Variants in FAM53B observed in about 807,000 individuals in gnomAD.
FAM53B encodes the protein protein FAM53B.
FAM53B carries 12 observed loss-of-function variants against 32.7 expected under a neutral mutation model. That is an observed-to-expected ratio of 0.37 (90% CI 0.24 to 0.59). FAM53B has a LOEUF of 0.59. Among genes scored for constraint, FAM53B ranks in the 20% least tolerant of loss-of-function variants. The probability of loss-of-function intolerance (pLI) is 0.72; values close to 1 mark genes in which losing one functional copy is unlikely to be tolerated. For synonymous variants in FAM53B, 234 were observed against 228.7 expected (o/e 1.02, Z -0.21); for missense variants, 477 against 577.7 (o/e 0.83, Z 1.79).
chr10:124,702,290 CTGT>C (rs1378829698), intron 2 of FAM53B, among the ~76,000 whole-genome samples: 13 of 152,182 alleles, frequency 8.5e-5, no homozygotes, highest in Admixed American at 6.5e-4. Flanking sequence ...TCCATCGTTC[CTGT>C]TGTTATCTTG....
At chr10:124,664,065 G>A (rs1263031164) in intron 4 of FAM53B, among the ~76,000 whole-genome samples, 1 of 152,130 alleles carries the variant, frequency 6.6e-6, no homozygotes, top group African/African-American at 2.4e-5. Flanking sequence ...TGGGTACCAG[G>A]TTCACACAGC....
chr10:124,717,785 T>C (rs1415878735), intron 1 of FAM53B, among the ~76,000 whole-genome samples: 1 of 152,236 alleles, frequency 6.6e-6, no homozygotes, highest in Non-Finnish European at 1.5e-5. Flanking sequence ...GAGGAGTTTC[T>C]TGGAGAGCCA....
At chr10:124,629,743 A>G (rs1949378870) in intron 4 of FAM53B, among the ~76,000 whole-genome samples, 1 of 152,260 alleles carries the variant, frequency 6.6e-6, no homozygotes, top group Non-Finnish European at 1.5e-5. Context: ...ACGGCAAGGC[A>G]TGTGGTTTCC....
chr10:124,634,806 G>C (rs1949417061), intron 4 of FAM53B, among the ~76,000 whole-genome samples: 1 of 152,208 alleles, frequency 6.6e-6, no homozygotes, highest in Admixed American at 6.5e-5. Context: ...CTGCTAAGGG[G>C]TATGGACTTT....
Position 124,620,188 on chromosome 10 carries a change from C to T in FAM53B, c.*3054G>A, listed in dbSNP as rs1388959013. The T allele has an allele frequency of 6.6e-6, 1 of 152,662 alleles. No homozygotes were observed. The highest frequency in any genetic ancestry group is 1.5e-5 in the Non-Finnish European group (1 of 68,052). 9.5% of individuals were successfully genotyped at this position (152,662 alleles called of 1,614,324 possible). On this transcript the variant is annotated 3_prime_UTR_variant, in exon 5 of 5. Coordinates refer to ENST00000337318, the MANE Select transcript of FAM53B (RefSeq NM_014661.4). ...TGGTCAGAACAAGCTCCCCACGGGC[C>T]CAGGTGCACGTCTGCCCGTGCAAAT...
chr10:124,625,580 C>G (rs1949342171), intron 4 of FAM53B, among the ~76,000 whole-genome samples: 1 of 152,202 alleles, frequency 6.6e-6, no homozygotes, highest in African/African-American at 2.4e-5. Context: ...CAACCAGGAT[C>G]CTCGCCTGCC....
intron 3 of FAM53B, 23 bp downstream of exon 3, chr10:124,696,135 C>CCAA (rs1564880399): frequency 2.5e-6 from 4 of 1,607,936 alleles, no homozygotes; most frequent in Non-Finnish European, 2.6e-6. Flanking sequence ...AGGACAGCTT[C>CCAA]CAGGATGGCC....
At chr10:124,707,421 C>A (rs1342266534) in intron 1 of FAM53B, among the ~76,000 whole-genome samples, 2 of 152,166 alleles carry the variant, frequency 1.3e-5, no homozygotes, top group African/African-American at 2.4e-5. Flanking sequence ...GCTAATGGAA[C>A]AATCAGTAGG....
Position 124,696,267 on chromosome 10 carries a change from A to T in FAM53B, c.79-55T>A, listed in dbSNP as rs137857157. 81 of 1,376,572 alleles carry T rather than the reference A, an allele frequency of 5.9e-5. No homozygotes were observed. The African/African-American group carries it at 9.5e-4, about 16-fold the overall frequency. The allele number at this position is 1,376,572 out of a possible 1,614,324, so 85.3% of individuals were successfully genotyped here. ...TTCAAATCATAGGAAGCATGTTTGC[A>T]CTGACTCTACTGATCCCTTCTAAAG... On this transcript the variant is annotated intron_variant, in intron 2 of 4. Coordinates refer to ENST00000337318, the MANE Select transcript of FAM53B (RefSeq NM_014661.4).
Position 124,733,881 on chromosome 10 carries a change from C to A in FAM53B, c.-175+10132G>T, listed in dbSNP as rs1220307426. On this transcript the variant is annotated intron_variant, in intron 1 of 4. Coordinates refer to ENST00000337318, the MANE Select transcript of FAM53B (RefSeq NM_014661.4). This position sits in a 1 kb window ranked among gnomAD's most constrained non-coding sequence, Gnocchi z 4.3. Reference sequence around the variant, plus strand: ...TGACCTAGATCAGCTCCGCTCCCCTCTGAAATCTACACTCGTCTCACTCAG... The same window carrying A: ...TGACCTAGATCAGCTCCGCTCCCCTATGAAATCTACACTCGTCTCACTCAG... Among the ~76,000 whole-genome samples, 1 of 152,330 alleles carries A rather than the reference C, an allele frequency of 6.6e-6. No homozygotes were observed. The highest frequency in any genetic ancestry group is 1.9e-4 in the East Asian group (1 of 5,180).
At chr10:124,686,862 G>A (rs1047888920) in intron 3 of FAM53B, among the ~76,000 whole-genome samples, 7 of 152,242 alleles carry the variant, frequency 4.6e-5, no homozygotes, top group African/African-American at 1.7e-4. Flanking sequence ...GTCCAACCAG[G>A]ACTGTGCCCT....
At chr10:124,707,001 A>G (rs1288805884) in intron 1 of FAM53B, 114 bp from the exon 2 acceptor site, 2 of 955,880 alleles carry the variant, frequency 2.1e-6, no homozygotes, top group East Asian at 7.2e-5. Context: ...CCTCTCTGCT[A>G]AAGGAGATGC....
At chr10:124,737,385 G>A (rs1564891934) in intron 1 of FAM53B, among the ~76,000 whole-genome samples, 1 of 152,156 alleles carries the variant, frequency 6.6e-6, no homozygotes, top group South Asian at 2.1e-4. Flanking sequence ...CATTGGGACT[G>A]GGGGGTGGGG....
intron 1 of FAM53B, among the ~76,000 whole-genome samples, chr10:124,724,880 C>A (rs1485711856): frequency 6.6e-6 from 1 of 152,210 alleles, no homozygotes; most frequent in African/African-American, 2.4e-5. Context: ...TGGGCACGCG[C>A]TTCCCACGTG....
chr10:124,656,606 C>G (rs2134053690), intron 4 of FAM53B, among the ~76,000 whole-genome samples: 1 of 152,284 alleles, frequency 6.6e-6, no homozygotes, highest in South Asian at 2.1e-4. Flanking sequence ...GCCAGGCCAG[C>G]CCAGCCCCTA....
chr10:124,696,494 A>G (rs1001624731), intron 2 of FAM53B, among the ~76,000 whole-genome samples: 15 of 152,216 alleles, frequency 9.9e-5, no homozygotes, highest in African/African-American at 3.1e-4. Flanking sequence ...ATTTTTCCAC[A>G]TAAGTGATGT....
intron 2 of FAM53B, 145 bp from the exon 3 acceptor site, chr10:124,696,357 AAG>A: frequency 1.3e-6 from 1 of 746,526 alleles, no homozygotes; most frequent in South Asian, 1.7e-5. Context: ...AAGGTATTCA[AAG>A]AGAAAACATC....
intron 4 of FAM53B, among the ~76,000 whole-genome samples, chr10:124,661,678 A>T (rs1175616733): frequency 6.6e-6 from 1 of 152,198 alleles, no homozygotes; most frequent in Non-Finnish European, 1.5e-5. Context: ...GTGCCCTGTC[A>T]AAAGCACGAG....
chr10:124,693,895 G>A (rs1949851312), intron 3 of FAM53B, among the ~76,000 whole-genome samples: 1 of 152,192 alleles, frequency 6.6e-6, no homozygotes, highest in South Asian at 2.1e-4. Flanking sequence ...TCCCTCACCA[G>A]GTGCCTGACA....
Sources: gnomAD v4.1 joint callset for allele counts (sites outside exome capture counted in the v4.1 genomes callset) on GRCh38, gnomAD v4.1.1 for gene constraint, Gnocchi (gnomAD v3.1) non-coding constraint, MANE v1.5 for transcripts, NCBI Gene and HGNC (gene_info 2026-07-23, HGNC 2026-07-21) for gene names.